MYO3B: variants seen among roughly 807,000 people sequenced by gnomAD.
MYO3B encodes myosin-IIIb.
In MYO3B, 156 loss-of-function variants were observed where a neutral mutation model predicts 174.6. That is an observed-to-expected ratio of 0.89 (90% CI 0.78 to 1.02). MYO3B has a LOEUF of 1.02. Ranked by LOEUF, MYO3B falls within the 50% of genes least tolerant of loss-of-function variation. MYO3B has a pLI of 0.00. For synonymous variants in MYO3B, 563 were observed against 569.1 expected (o/e 0.99, Z 0.15); for missense variants, 1,632 against 1,639.4 (o/e 1.00, Z 0.08).
chr2:170,292,392 C>T (rs375426997), intron 7 of MYO3B, among the ~76,000 whole-genome samples: 1 of 152,148 alleles, frequency 6.6e-6, no homozygotes, highest in African/African-American at 2.4e-5. Context: ...GGTCAGAGAG[C>T]TTACAAATGG....
intron 3 of MYO3B, among the ~76,000 whole-genome samples, chr2:170,209,535 A>G (rs2092749376): frequency 6.6e-6 from 1 of 152,200 alleles, no homozygotes; most frequent in Admixed American, 6.5e-5. Context: ...ACAATCTCCA[A>G]AGTTATCAGA....
chr2:170,403,500 C>A (rs2094491601), intron 19 of MYO3B, among the ~76,000 whole-genome samples: 1 of 152,110 alleles, frequency 6.6e-6, no homozygotes, highest in African/African-American at 2.4e-5. Context: ...ATAAATAAGA[C>A]AGAGTAAGAA....
At chr2:170,373,311 T>C (rs1213260742) in intron 9 of MYO3B, among the ~76,000 whole-genome samples, 1 of 152,190 alleles carries the variant, frequency 6.6e-6, no homozygotes, top group Non-Finnish European at 1.5e-5. Flanking sequence ...GTCTATCAAA[T>C]GCAATGCCAA....
chr2:170,311,482 A>G (rs1344433665), intron 7 of MYO3B, among the ~76,000 whole-genome samples: 7 of 149,634 alleles, frequency 4.7e-5, no homozygotes, highest in Non-Finnish European at 7.4e-5. Flanking sequence ...GAGTTTTAAG[A>G]TTTTTTCTAA....
At chr2:170,414,702 C>A (rs890710109) in intron 22 of MYO3B, among the ~76,000 whole-genome samples, 3 of 152,104 alleles carry the variant, frequency 2.0e-5, no homozygotes, top group Non-Finnish European at 4.4e-5. Flanking sequence ...TTGAATATTC[C>A]ATTCCATGAA....
At position 170,371,644 on chromosome 2, in the gene MYO3B, C is replaced by T. The variant is rs188481915; in HGVS notation, c.971+2267C>T. Among the ~76,000 whole-genome samples the T allele has an allele frequency of 1.1e-4, 17 of 151,114 alleles. No individual in the cohort carries two copies. The East Asian group carries it at 3.3e-3, about 29-fold the overall frequency. Reference sequence around the variant, plus strand: ...AAAAACTCTCAAATATCATTCCATGCTGATAAATCAATATATTTAAAGCTG... The same window carrying T: ...AAAAACTCTCAAATATCATTCCATGTTGATAAATCAATATATTTAAAGCTG... On this transcript the variant is annotated intron_variant, in intron 9 of 34. Transcript: ENST00000408978.
At chr2:170,229,587 A>G (rs1199902954) in intron 6 of MYO3B, among the ~76,000 whole-genome samples, 1 of 152,270 alleles carries the variant, frequency 6.6e-6, no homozygotes, top group Non-Finnish European at 1.5e-5. Flanking sequence ...CAGCAAAAAT[A>G]CTATAATACT....
intron 6 of MYO3B, among the ~76,000 whole-genome samples, chr2:170,221,218 C>T (rs906216169): frequency 3.3e-5 from 5 of 151,934 alleles, no homozygotes; most frequent in Admixed American, 6.6e-5. Context: ...AGATTAAATA[C>T]GACAATGCAC....
intron 3 of MYO3B, among the ~76,000 whole-genome samples, chr2:170,208,497 A>C (rs1427379571): frequency 6.6e-6 from 1 of 152,206 alleles, no homozygotes; most frequent in Non-Finnish European, 1.5e-5. Context: ...ATCACCTGGC[A>C]GTATTTGCAG....
At chr2:170,269,423 T>C (rs2093410764) in intron 7 of MYO3B, among the ~76,000 whole-genome samples, 2 of 152,196 alleles carry the variant, frequency 1.3e-5, no homozygotes. Context: ...GCTTCCATTT[T>C]TTTTCCCCAC....
rs34472083 is a variant in MYO3B, at chr2:170,470,102, CAAAAAAAAA to C, written c.3014+3411_3014+3419del. 1.3e-4 allele frequency among the ~76,000 whole-genome samples: 6 copies of C among 46,366 alleles called. No homozygotes were observed. In the Admixed American group the frequency reaches 1.7e-3, roughly 13 times the overall value. 30.4% of individuals were successfully genotyped at this position (46,366 alleles called of 152,430 possible). On this transcript the variant is annotated intron_variant, in intron 25 of 34. Coordinates refer to ENST00000408978, the MANE Select transcript of MYO3B (RefSeq NM_138995.5). ...GGGCAACAAGAGCGAAACTCCGTCT[CAAAAAAAAA>C]AAAAAAAAAAAAAAAAAAAGAAGGA... is the stretch of plus-strand genomic sequence containing the variant.
intron 8 of MYO3B, chr2:170,350,662 G>C (rs367870090): frequency 9.2e-5 from 14 of 152,270 alleles, no homozygotes; most frequent in Admixed American, 8.5e-4. Context: ...ATAAAATTAG[G>C]TTAAAATCAA....
chr2:170,274,565 T>C (rs962442855), intron 7 of MYO3B, among the ~76,000 whole-genome samples: 1 of 152,128 alleles, frequency 6.6e-6, no homozygotes, highest in African/African-American at 2.4e-5. Context: ...CAGAAAATTA[T>C]TCTGTAGAGT....
At chr2:170,649,157 AAAT>A (rs1377552711) in intron 32 of MYO3B, among the ~76,000 whole-genome samples, 862 of 63,964 alleles carry the variant, frequency 0.013, 79 homozygotes, top group Middle Eastern at 0.024. Flanking sequence ...ATTATATATA[AAAT>A]AATATATAAT....
At chr2:170,409,016 C>T (rs2105818919) in intron 22 of MYO3B, among the ~76,000 whole-genome samples, 1 of 152,248 alleles carries the variant, frequency 6.6e-6, no homozygotes, top group South Asian at 2.1e-4. Context: ...GGGATGTAGA[C>T]TCCTCATCAG....
At chr2:170,338,136 C>T (rs1055533123) in intron 8 of MYO3B, 1 of 152,194 alleles carries the variant, frequency 6.6e-6, no homozygotes, top group African/African-American at 2.4e-5. Flanking sequence ...CAGATGCACT[C>T]ATTCTGAGTT....
chr2:170,253,434 C>T (rs550608384), intron 7 of MYO3B, among the ~76,000 whole-genome samples: 12 of 152,228 alleles, frequency 7.9e-5, no homozygotes, highest in African/African-American at 2.2e-4. Flanking sequence ...ATCAAGAGTT[C>T]CTTTTCAGAC....
intron 25 of MYO3B, among the ~76,000 whole-genome samples, chr2:170,479,353 T>C (rs1477299749): frequency 2.0e-5 from 3 of 147,122 alleles, no homozygotes; most frequent in African/African-American, 7.4e-5. Context: ...ATATAAAACC[T>C]ATATATTTAT....
chr2:170,460,973 C>G (rs1386247729), intron 23 of MYO3B, among the ~76,000 whole-genome samples: 1 of 152,164 alleles, frequency 6.6e-6, no homozygotes, highest in African/African-American at 2.4e-5. Context: ...AACTTAAATT[C>G]TCAAATGCTA....
Sources: allele counts gnomAD v4.1 joint callset (sites outside exome capture counted in the v4.1 genomes callset), GRCh38; gene constraint gnomAD v4.1.1; transcripts MANE v1.5; gene names NCBI Gene and HGNC (gene_info 2026-07-23, HGNC 2026-07-21).